The following TRIM63 variants were observed in gnomAD, a reference collection of about 807,000 sequenced individuals.
TRIM63 encodes the protein E3 ubiquitin-protein ligase TRIM63.
A neutral mutation model predicts 46.0 loss-of-function variants in TRIM63; 48 were observed. The ratio of observed to expected loss-of-function variants is 1.04; its 90% CI spans 0.83 to 1.33. The LOEUF is 1.33. Ranked by LOEUF, TRIM63 falls within the 40% of genes most tolerant of loss-of-function variation. The pLI is 0.00. For synonymous variants in TRIM63, 175 were observed against 162.8 expected, an observed-to-expected ratio of 1.08 and a Z score of -0.57; for missense variants, 455 against 441.2, an observed-to-expected ratio of 1.03 and a Z score of -0.28.
intron 2 of TRIM63, among the ~76,000 whole-genome samples, chr1:26,063,837 A>G (rs3008430): frequency 0.21 from 32,417 of 152,134 alleles, 4,054 homozygotes; most frequent in African/African-American, 0.34. Flanking sequence ...CTATGCGGAA[A>G]GGCCTCAAAG....
intron 2 of TRIM63, among the ~76,000 whole-genome samples, chr1:26,064,275 A>G (rs2050653954): frequency 6.6e-6 from 1 of 152,120 alleles, no homozygotes; most frequent in African/African-American, 2.4e-5. Context: ...TACTAAAAAT[A>G]TAATAATTAG....
intron 2 of TRIM63, among the ~76,000 whole-genome samples, chr1:26,065,137 C>T (rs2050664842): frequency 6.6e-6 from 1 of 151,536 alleles, no homozygotes; most frequent in Admixed American, 6.6e-5. Context: ...AATTCTCCTG[C>T]CTCAGCCTCC....
At chr1:26,055,734 C>T (rs1308468785) in intron 7 of TRIM63, among the ~76,000 whole-genome samples, 2 of 152,108 alleles carry the variant, frequency 1.3e-5, no homozygotes, top group Non-Finnish European at 2.9e-5. Flanking sequence ...TGGTCTGGAA[C>T]TCCTGACCTC....
intron 7 of TRIM63, 61 bp from the exon 8 acceptor site, chr1:26,054,025 G>A (rs2124435299): frequency 7.9e-7 from 1 of 1,268,596 alleles, no homozygotes; most frequent in Non-Finnish European, 1.1e-6. Flanking sequence ...TACTTGAAGA[G>A]GAACCAGGCA....
chr1:26,061,419 T>G, intron 2 of TRIM63, 85 bp from the exon 3 acceptor site: 1 of 1,456,890 alleles, frequency 6.9e-7, no homozygotes, highest in Non-Finnish European at 9.4e-7. Flanking sequence ...TCGCAGCTAC[T>G]GGGGAGGCTG....
intron 8 of TRIM63, among the ~76,000 whole-genome samples, chr1:26,052,250 T>C (rs1489979599): frequency 6.6e-6 from 1 of 152,218 alleles, no homozygotes; most frequent in African/African-American, 2.4e-5. Context: ...TTGACGTCAG[T>C]ACTGTTAGAC....
rs371440054 is a variant in TRIM63 at position 26,066,257 on chromosome 1, C to T, written c.332+11G>A. 14 of 1,613,680 alleles carry T rather than the reference C, an allele frequency of 8.7e-6. No individual in the cohort carries two copies. Among genetic ancestry groups the T allele is most frequent in the Admixed American group, 6.7e-5 (4 of 59,984 alleles). ...AAGGAGGGCGGGCCCCCAGCAGGCA[C>T]GAGAACCGACCTGGAGCACTCCTGT... is the stretch of plus-strand genomic sequence containing the variant. On this transcript the variant is annotated intron_variant, in intron 2 of 8. Transcript: ENST00000374272.
intron 2 of TRIM63, 70 bp downstream of exon 2, chr1:26,066,198 G>A (rs572586218): frequency 6.5e-7 from 1 of 1,543,908 alleles, no homozygotes; most frequent in East Asian, 2.2e-5. Context: ...GGAGGGGGAA[G>A]GAGCGTGGGG....
chr1:26,061,122 C>A (rs1243700922), intron 3 of TRIM63, 44 bp downstream of exon 3: 2 of 1,595,362 alleles, frequency 1.3e-6, no homozygotes, highest in Non-Finnish European at 1.7e-6. Flanking sequence ...TCAGGCCGTG[C>A]CCAGCAGGCC....
chr1:26,057,761 G>T, intron 5 of TRIM63, 111 bp from the exon 6 acceptor site: 6 of 1,192,308 alleles, frequency 5.0e-6, no homozygotes, highest in Non-Finnish European at 7.0e-6. Flanking sequence ...CCATTCCCTA[G>T]CCCAGTTGTG....
At chr1:26,060,575 C>T (rs1263653545) in intron 3 of TRIM63, among the ~76,000 whole-genome samples, 1 of 152,180 alleles carries the variant, frequency 6.6e-6, no homozygotes, top group African/African-American at 2.4e-5. Flanking sequence ...AGGCCAACAG[C>T]AGGCAAGTGA....
chr1:26,060,012 G>A (rs1442145067), intron 4 of TRIM63, among the ~76,000 whole-genome samples: 1 of 152,192 alleles, frequency 6.6e-6, no homozygotes, highest in African/African-American at 2.4e-5. Flanking sequence ...CACTCCCTGA[G>A]CTCAGGGACC....
rs1348957433 is a variant in TRIM63, at chr1:26,051,696, A to C, written c.*177T>G. On this transcript the variant is annotated 3_prime_UTR_variant, in exon 9 of 9. Transcript: ENST00000374272. ...TTCTGGTTCAGTGTCTGCTGGACGC[A>C]GCGGTGAGGGTCCTACCCTAGTCCC... is the stretch of plus-strand genomic sequence containing the variant. The C allele has an allele frequency of 4.7e-6, 2 of 425,774 alleles. No individual in the cohort carries two copies. The highest frequency in any genetic ancestry group is 8.4e-6 in the Non-Finnish European group (2 of 238,822). 26.4% of individuals were successfully genotyped at this position (425,774 alleles called of 1,614,324 possible).
At position 26,065,250 on chromosome 1, in the gene TRIM63, C is replaced by T. The variant is rs140642469; in HGVS notation, c.332+1018G>A. On this transcript the variant is annotated intron_variant, in intron 2 of 8. Transcript: ENST00000374272. ...TGTTGGCCAGTCTGGTCTCCAACTC[C>T]TGACCTCGAATGATCCACACACCTT... Among the ~76,000 whole-genome samples, 98 of 152,104 alleles carry T rather than the reference C, an allele frequency of 6.4e-4. 1 individual carries two copies. Among genetic ancestry groups the T allele is most frequent in the South Asian group, 2.3e-3 (11 of 4,810 alleles).
intron 7 of TRIM63, among the ~76,000 whole-genome samples, chr1:26,054,502 A>T (rs918132140): frequency 1.5e-4 from 23 of 152,094 alleles, no homozygotes; most frequent in African/African-American, 5.3e-4. Context: ...CCTGAAGCTG[A>T]GCACCAGAGG....
chr1:26,053,530 G>A (rs1162913108), intron 8 of TRIM63, among the ~76,000 whole-genome samples: 1 of 152,172 alleles, frequency 6.6e-6, no homozygotes, highest in Admixed American at 6.5e-5. Flanking sequence ...CCAGCAAGTA[G>A]TTTTGTTTGT....
intron 2 of TRIM63, 73 bp downstream of exon 2, chr1:26,066,195 G>T: frequency 6.5e-7 from 1 of 1,533,138 alleles, no homozygotes. Context: ...GAAGGAGGGG[G>T]AAGGAGCGTG....
intron 7 of TRIM63, 62 bp from the exon 8 acceptor site, chr1:26,054,026 G>C: frequency 7.9e-7 from 1 of 1,261,992 alleles, no homozygotes; most frequent in Non-Finnish European, 1.1e-6. Flanking sequence ...ACTTGAAGAG[G>C]AACCAGGCAA....
At chr1:26,057,390 G>A in intron 6 of TRIM63, 63 bp from the exon 7 acceptor site, 1 of 1,585,522 alleles carries the variant, frequency 6.3e-7, no homozygotes, top group Non-Finnish European at 8.6e-7. Context: ...GGGAAGAGAG[G>A]GCACATGCTT....
Sources: gnomAD v4.1 joint callset for allele counts (sites outside exome capture counted in the v4.1 genomes callset) on GRCh38, gnomAD v4.1.1 for gene constraint, MANE v1.5 for transcripts, NCBI Gene and HGNC (gene_info 2026-07-23, HGNC 2026-07-21) for gene names.